Variants in PACSIN1 observed in about 807,000 individuals in gnomAD.
PACSIN1 encodes the protein protein kinase C and casein kinase substrate in neurons protein 1.
Under a neutral mutation model 59.5 loss-of-function variants are expected in PACSIN1, and 15 were observed. That is an observed-to-expected ratio of 0.25 (90% CI 0.17 to 0.39). The LOEUF (loss-of-function observed/expected upper bound fraction) is 0.39. Among genes scored for constraint, PACSIN1 ranks in the 10% least tolerant of loss-of-function variants. The probability of loss-of-function intolerance (pLI) is 1.00; values close to 1 mark genes in which losing one functional copy is unlikely to be tolerated. For missense variants in PACSIN1, 420 were observed against 580.2 expected (o/e 0.72, Z 2.84); for synonymous variants, 210 against 220.6 (o/e 0.95, Z 0.42).
chr6:34,487,219 G>C (rs1766808060), intron 1 of PACSIN1, among the ~76,000 whole-genome samples: 1 of 152,138 alleles, frequency 6.6e-6, no homozygotes, highest in African/African-American at 2.4e-5. Flanking sequence ...GTGCACGTCA[G>C]TGAACATGAG....
At position 34,529,028 on chromosome 6, in the gene PACSIN1, AT is replaced by A; in HGVS notation, c.456+152del. 1.5e-6 allele frequency: 1 copy of A among 661,738 alleles called. No homozygotes were observed. Among genetic ancestry groups the A allele is most frequent in the South Asian group, 1.9e-5 (1 of 52,832 alleles). 41.0% of individuals were successfully genotyped at this position (661,738 alleles called of 1,614,324 possible). On this transcript the variant is annotated intron_variant, in intron 4 of 9. Coordinates refer to ENST00000244458, the MANE Select transcript of PACSIN1 (RefSeq NM_020804.5). The surrounding 1 kb of genome is among the most constrained non-coding windows in gnomAD (Gnocchi z 6.3). The stretch of plus-strand genomic sequence containing the variant: ...GAGCAGCACTGCCTTCCAGGAAAAA[AT>A]ATTCACAGATGGGTAGGCAGTGCCC...
chr6:34,491,725 C>A (rs565220590), intron 1 of PACSIN1, among the ~76,000 whole-genome samples: 8 of 151,928 alleles, frequency 5.3e-5, no homozygotes, highest in Admixed American at 5.3e-4. Flanking sequence ...GATTCTCCTG[C>A]CTCAGCTTCC....
chr6:34,529,424 T>C lies in PACSIN1; in HGVS notation c.484T>C (p.Leu162=), dbSNP rs773810544. 4.3e-6 allele frequency: 7 copies of C among 1,614,068 alleles called. No individual in the cohort carries two copies. Among genetic ancestry groups the C allele is most frequent in the East Asian group, 4.5e-5 (2 of 44,854 alleles). ...GGAGGCAGCCAAGAAGGCCTACCAT[T>C]TGGCTTGCAAAGAGGAAAAGCTGGC... is the stretch of plus-strand genomic sequence containing the variant. ...ELEAAKKAYH[L]ACKEEKLAMT... is the part of the protein sequence containing the mutation. The change falls in exon 5 of 10, where the codon TTG becomes CTG. Residue 162 remains leucine (L), a synonymous_variant. Coordinates refer to ENST00000244458, the MANE Select transcript of PACSIN1 (RefSeq NM_020804.5). The surrounding 1 kb of genome is among the most constrained non-coding windows in gnomAD (Gnocchi z 6.3).
rs114177144 is a variant in PACSIN1, at chr6:34,505,558, G to C, written c.-63-20685G>C. On this transcript the variant is annotated intron_variant, in intron 1 of 9. Transcript: ENST00000244458. The stretch of plus-strand genomic sequence containing the variant: ...TTTTTTTTCAAGCCATTTTCTCTCT[G>C]TTGTTCAGATTGGGTAATTTCTATT... Among the ~76,000 whole-genome samples, 782 of 118,246 alleles carry C rather than the reference G, an allele frequency of 6.6e-3. 11 individuals are homozygous for C. Among genetic ancestry groups the C allele is most frequent in the African/African-American group, 0.019 (605 of 31,138 alleles). 77.6% of individuals were successfully genotyped at this position (118,246 alleles called of 152,430 possible).
intron 1 of PACSIN1, among the ~76,000 whole-genome samples, chr6:34,482,518 A>G (rs573793144): frequency 2.0e-5 from 3 of 152,282 alleles, no homozygotes; most frequent in Non-Finnish European, 4.4e-5. Context: ...CCACTCATCC[A>G]TTGATGGACA....
At chr6:34,517,701 C>T (rs1767317318) in intron 1 of PACSIN1, among the ~76,000 whole-genome samples, 1 of 151,424 alleles carries the variant, frequency 6.6e-6, no homozygotes, top group South Asian at 2.1e-4. Context: ...TCTGACCATC[C>T]TCCATAAAAA....
chr6:34,530,132 G>T lies in PACSIN1; in HGVS notation c.789-111G>T. On this transcript the variant is annotated intron_variant, in intron 6 of 9. Transcript: ENST00000244458. This position sits in a 1 kb window ranked among gnomAD's most constrained non-coding sequence, Gnocchi z 4.4. ...CAAAGCCCACATGATTCCTGGCTGG[G>T]CAGCATGCCCAGCACCCTGCTTCCC... is the stretch of plus-strand genomic sequence containing the variant. 7.1e-7 allele frequency: 1 copy of T among 1,400,480 alleles called. No homozygotes were observed. Among genetic ancestry groups the T allele is most frequent in the Non-Finnish European group, 9.5e-7 (1 of 1,047,814 alleles). The allele number at this position is 1,400,480 out of a possible 1,614,324, so 86.8% of individuals were successfully genotyped here.
chr6:34,521,696 TG>T lies in PACSIN1; in HGVS notation c.-63-4546del, dbSNP rs1245521875. On this transcript the variant is annotated intron_variant, in intron 1 of 9. Transcript: ENST00000244458. The surrounding 1 kb of genome is among the most constrained non-coding windows in gnomAD (Gnocchi z 4.3). ...GAGAGGGCCACCCCTGAGATGGAGC[TG>T]TTGCTCCACTACAGGCAACGGCGGT... Among the ~76,000 whole-genome samples the T allele has an allele frequency of 6.6e-6, 1 of 152,012 alleles. No individual in the cohort carries two copies. The highest frequency in any genetic ancestry group is 2.4e-5 in the African/African-American group (1 of 41,396).
In PACSIN1 at chr6:34,495,230, T is replaced by C. The variant is rs550215271; in HGVS notation, c.-64+28960T>C. Reference sequence around the variant, plus strand: ...TCCCTTAACTCTCCCAGTGGTTATTTAGATGTGCAAAAGGAGCTTTTGGTT... The same window carrying C: ...TCCCTTAACTCTCCCAGTGGTTATTCAGATGTGCAAAAGGAGCTTTTGGTT... On this transcript the variant is annotated intron_variant, in intron 1 of 9. Coordinates refer to ENST00000244458, the MANE Select transcript of PACSIN1 (RefSeq NM_020804.5). Among the ~76,000 whole-genome samples, 138 of 152,304 alleles carry C rather than the reference T, an allele frequency of 9.1e-4. 1 individual carries two copies. Among genetic ancestry groups the C allele is most frequent in the Middle Eastern group, 3.4e-3 (1 of 294 alleles).
intron 1 of PACSIN1, among the ~76,000 whole-genome samples, chr6:34,524,796 G>C (rs186607518): frequency 5.9e-5 from 9 of 152,338 alleles, no homozygotes; most frequent in Admixed American, 4.6e-4. Context: ...CAATTGTATG[G>C]TATTAAGTTA....
At position 34,532,795 on chromosome 6, in the gene PACSIN1, C is replaced by A; in HGVS notation, c.*265C>A. On this transcript the variant is annotated 3_prime_UTR_variant, in exon 10 of 10. Coordinates refer to ENST00000244458, the MANE Select transcript of PACSIN1 (RefSeq NM_020804.5). The surrounding 1 kb of genome is among the most constrained non-coding windows in gnomAD (Gnocchi z 5.2). ...GCCCAACATCACAACATCTGCTCTT[C>A]GGGTTCCACCAAAGAGTCTCCTGAG... 2 of 399,940 alleles carry A rather than the reference C, an allele frequency of 5.0e-6. No homozygotes were observed. The highest frequency in any genetic ancestry group is 6.7e-5 in the South Asian group (2 of 29,952). The allele number at this position is 399,940 out of a possible 1,614,324, so 24.8% of individuals were successfully genotyped here.
At chr6:34,477,069 G>A (rs1002717309) in intron 1 of PACSIN1, among the ~76,000 whole-genome samples, 1 of 152,238 alleles carries the variant, frequency 6.6e-6, no homozygotes, top group Non-Finnish European at 1.5e-5. Flanking sequence ...TGTGGCAGAG[G>A]AGGCCAGCAC....
rs887427583 is a variant in PACSIN1 at position 34,525,652 on chromosome 6, C to T, written c.-63-591C>T. 2.0e-5 allele frequency among the ~76,000 whole-genome samples: 3 copies of T among 152,208 alleles called. No individual in the cohort carries two copies. The highest frequency in any genetic ancestry group is 7.2e-5 in the African/African-American group (3 of 41,444). On this transcript the variant is annotated intron_variant, in intron 1 of 9. Transcript: ENST00000244458. The surrounding 1 kb of genome is among the most constrained non-coding windows in gnomAD (Gnocchi z 4.9). The stretch of plus-strand genomic sequence containing the variant: ...TGCCTGGGGTAACAGTGAGGCCTGG[C>T]TGGGGGAAGGGAGGAGGGGAGTACC...
At chr6:34,494,345 C>A (rs755487857) in intron 1 of PACSIN1, among the ~76,000 whole-genome samples, 1 of 152,108 alleles carries the variant, frequency 6.6e-6, no homozygotes, top group South Asian at 2.1e-4. Flanking sequence ...AATGTTAGAC[C>A]AGAGCTTCTC....
chr6:34,474,960 G>A (rs1297690125), intron 1 of PACSIN1, among the ~76,000 whole-genome samples: 1 of 151,900 alleles, frequency 6.6e-6, no homozygotes, highest in East Asian at 1.9e-4. Context: ...TATTCCCTAT[G>A]CCTGGAATTC....
At chr6:34,475,925 A>G (rs1282161452) in intron 1 of PACSIN1, among the ~76,000 whole-genome samples, 1 of 152,172 alleles carries the variant, frequency 6.6e-6, no homozygotes, top group Non-Finnish European at 1.5e-5. Context: ...TTAAGCTCAA[A>G]TTCTTACTCA....
At position 34,516,143 on chromosome 6, in the gene PACSIN1, C is replaced by T. The variant is rs1335526392; in HGVS notation, c.-63-10100C>T. On this transcript the variant is annotated intron_variant, in intron 1 of 9. Coordinates refer to ENST00000244458, the MANE Select transcript of PACSIN1 (RefSeq NM_020804.5). This position sits in a 1 kb window ranked among gnomAD's most constrained non-coding sequence, Gnocchi z 5.4. ...TCCACCTGCTTTCTCTCCCGCACCC[C>T]CTGAGAGCCCAGCTGGGTCTTTCAC... Among the ~76,000 whole-genome samples, 1 of 152,156 alleles carries T rather than the reference C, an allele frequency of 6.6e-6. No individual in the cohort carries two copies. Among genetic ancestry groups the T allele is most frequent in the Non-Finnish European group, 1.5e-5 (1 of 68,004 alleles).
chr6:34,526,490 A>G, intron 2 of PACSIN1, 122 bp downstream of exon 2: 1 of 741,012 alleles, frequency 1.3e-6, no homozygotes, highest in Non-Finnish European at 2.2e-6. Context: ...GCCCCTCCAA[A>G]GCCCTGGGTG....
chr6:34,487,320 G>T (rs73746651), intron 1 of PACSIN1, among the ~76,000 whole-genome samples: 1 of 152,160 alleles, frequency 6.6e-6, no homozygotes, highest in African/African-American at 2.4e-5. Context: ...CTGGTAACCA[G>T]TCTTCTGACT....
Sources: gnomAD v4.1 joint callset for allele counts (sites outside exome capture counted in the v4.1 genomes callset) on GRCh38, gnomAD v4.1.1 for gene constraint, Gnocchi (gnomAD v3.1) non-coding constraint, MANE v1.5 for transcripts, NCBI Gene and HGNC (gene_info 2026-07-23, HGNC 2026-07-21) for gene names.